Variants in ISOC1 observed in about 807,000 individuals in gnomAD.
ISOC1 encodes the protein isochorismatase domain containing 1.
In ISOC1, 33 loss-of-function variants were observed where a neutral mutation model predicts 30.0. That is an observed-to-expected ratio of 1.10 (90% CI 0.83 to 1.47). ISOC1 has a LOEUF of 1.47. ISOC1 is among the 40% of genes most tolerant of loss of function. ISOC1 has a pLI of 0.00. For synonymous variants in ISOC1, 178 were observed against 159.8 expected, an observed-to-expected ratio of 1.11 and a Z score of -0.86; for missense variants, 372 against 388.0, an observed-to-expected ratio of 0.96 and a Z score of 0.35.
intron 4 of ISOC1, among the ~76,000 whole-genome samples, chr5:129,108,496 C>T (rs2150172011): frequency 6.6e-6 from 1 of 151,892 alleles, no homozygotes; most frequent in East Asian, 1.9e-4. Context: ...TCAACAAAGA[C>T]CTTTAATCCA....
At chr5:129,107,702 T>C (rs933800894) in intron 4 of ISOC1, among the ~76,000 whole-genome samples, 2 of 152,080 alleles carry the variant, frequency 1.3e-5, no homozygotes, top group Non-Finnish European at 2.9e-5. Context: ...ATCCATGGAT[T>C]TTGGTATGGG....
At chr5:129,107,229 C>G (rs540951169) in intron 4 of ISOC1, among the ~76,000 whole-genome samples, 167 bp downstream of exon 4, 1 of 152,296 alleles carries the variant, frequency 6.6e-6, no homozygotes, top group South Asian at 2.1e-4. Flanking sequence ...TAAGGCTTCA[C>G]CACCATATCC....
intron 4 of ISOC1, among the ~76,000 whole-genome samples, chr5:129,110,753 A>G (rs1229354432): frequency 6.6e-6 from 1 of 152,142 alleles, no homozygotes; most frequent in Non-Finnish European, 1.5e-5. Context: ...GCGTCACCAG[A>G]TTCCTTCCTT....
intron 1 of ISOC1, among the ~76,000 whole-genome samples, chr5:129,101,161 CAAAAAAAAAAAAA>C (rs1156603818): frequency 6.2e-4 from 12 of 19,498 alleles, no homozygotes; most frequent in Non-Finnish European, 5.3e-4. Flanking sequence ...CTCAGCTAAT[CAAAAAAAAAAAAA>C]AAAAAAAAAA....
At chr5:129,101,132 G>A (rs1254450779) in intron 1 of ISOC1, among the ~76,000 whole-genome samples, 1 of 113,950 alleles carries the variant, frequency 8.8e-6, no homozygotes, top group Non-Finnish European at 1.6e-5. Flanking sequence ...TCAGCCTCCT[G>A]AGGAGCTGGG....
At chr5:129,100,775 T>A (rs527826327) in intron 1 of ISOC1, among the ~76,000 whole-genome samples, 1 of 152,146 alleles carries the variant, frequency 6.6e-6, no homozygotes, top group East Asian at 1.9e-4. Context: ...TTCATGTGGA[T>A]TTGGGGTGAG....
rs1447087062 is a variant in ISOC1 at position 129,113,847 on chromosome 5, C to T, written c.*846C>T. The T allele has an allele frequency of 6.6e-6, 1 of 152,080 alleles. No individual in the cohort carries two copies. Among genetic ancestry groups the T allele is most frequent in the Admixed American group, 6.6e-5 (1 of 15,266 alleles). The allele number at this position is 152,080 out of a possible 1,614,324, so 9.4% of individuals were successfully genotyped here. A position where few individuals can be genotyped will look rare whatever the true frequency, so the allele number is the denominator to read the frequency against. On this transcript the variant is annotated 3_prime_UTR_variant, in exon 5 of 5. Transcript: ENST00000173527. The stretch of plus-strand genomic sequence containing the variant: ...ATGTTCTGTTCTATATTTTCTTCAC[C>T]TACTCTCCAAATATTGTAATGCAAA...
intron 1 of ISOC1, among the ~76,000 whole-genome samples, chr5:129,096,698 A>G (rs1315223827): frequency 1.3e-5 from 2 of 152,186 alleles, no homozygotes; most frequent in Admixed American, 1.3e-4. Context: ...TGTTGGATGC[A>G]CCTTTGAGAA....
intron 1 of ISOC1, among the ~76,000 whole-genome samples, chr5:129,095,395 G>T (rs768106584): frequency 1.3e-5 from 2 of 152,256 alleles, no homozygotes; most frequent in Non-Finnish European, 2.9e-5. Context: ...TCAGGTCCCA[G>T]CCTCCTGCGT....
In ISOC1 at chr5:129,094,820, C is replaced by A; in HGVS notation, c.54C>A (p.Gly18=). The A allele has an allele frequency of 6.5e-7, 1 of 1,540,816 alleles. No homozygotes were observed. The highest frequency in any genetic ancestry group is 8.7e-7 in the Non-Finnish European group (1 of 1,147,000). Residue 18 remains glycine (G), a synonymous_variant, in exon 1 of 5, where the codon GGC becomes GGA. Transcript: ENST00000173527. ...CGCTCCCCAACAGCGGCGCCGGGGG[C>A]GCGGGGGCGCCGTCGGGCACAGTCC... ...VLALPNSGAG[G]AGAPSGTVPV... is the part of the protein sequence containing the mutation.
chr5:129,097,412 T>A (rs1753516828), intron 1 of ISOC1, among the ~76,000 whole-genome samples: 1 of 152,130 alleles, frequency 6.6e-6, no homozygotes, highest in Non-Finnish European at 1.5e-5. Context: ...TATGCATATG[T>A]GTGTATAATC....
Position 129,105,191 on chromosome 5 carries a change from G to A in ISOC1, c.436G>A (p.Gly146Arg). Residue 146 changes from glycine (G) to arginine (R), a missense_variant, in exon 3 of 5, where the codon GGG (glycine) becomes AGG (arginine). Gly to Arg is a moderately radical substitution (Grantham distance 125). Coordinates refer to ENST00000173527, the MANE Select transcript of ISOC1 (RefSeq NM_016048.2). ...TTTGGTTATTTTTTTTCAGTTGCAA[G>A]GGGCCCGGATTTTAGGAATTCCTGT... ...IISVGQRLLQGARILGIPVIV... is the reference protein window; with the variant it reads ...IISVGQRLLQRARILGIPVIV... 1 of 1,613,220 alleles carries A rather than the reference G, an allele frequency of 6.2e-7. No homozygotes were observed. The highest frequency in any genetic ancestry group is 8.5e-7 in the Non-Finnish European group (1 of 1,179,698).
At chr5:129,106,891 A>G in intron 3 of ISOC1, 55 bp from the exon 4 acceptor site, 1 of 1,245,366 alleles carries the variant, frequency 8.0e-7, no homozygotes, top group Non-Finnish European at 1.2e-6. Flanking sequence ...GTACATTTGT[A>G]AACTACTTTT....
At chr5:129,107,832 T>C (rs1436939575) in intron 4 of ISOC1, among the ~76,000 whole-genome samples, 1 of 152,152 alleles carries the variant, frequency 6.6e-6, no homozygotes, top group African/African-American at 2.4e-5. Flanking sequence ...CATGGTAGTC[T>C]TGGCATTAGA....
At chr5:129,101,180 A>ATATATATATATAT (rs1753566363) in intron 1 of ISOC1, among the ~76,000 whole-genome samples, 12 of 109,604 alleles carry the variant, frequency 1.1e-4, no homozygotes, top group African/African-American at 5.6e-4. Context: ...AAAAAAAAAA[A>ATATATATATATAT]AAAAAAAAAA....
intron 1 of ISOC1, among the ~76,000 whole-genome samples, chr5:129,101,116 C>T (rs553868759): frequency 1.5e-5 from 2 of 133,638 alleles, no homozygotes; most frequent in African/African-American, 5.9e-5. Context: ...AGAGGATCTT[C>T]CCACCTCAGC....
In ISOC1 at chr5:129,114,016, T is replaced by G. The variant is rs1753742409; in HGVS notation, c.*1015T>G. The G allele has an allele frequency of 6.6e-6, 1 of 152,202 alleles. No individual in the cohort carries two copies. Among genetic ancestry groups the G allele is most frequent in the African/African-American group, 2.4e-5 (1 of 41,462 alleles). 9.4% of individuals were successfully genotyped at this position (152,202 alleles called of 1,614,324 possible). A position where few individuals can be genotyped will look rare whatever the true frequency, so the allele number is the denominator to read the frequency against. On this transcript the variant is annotated 3_prime_UTR_variant, in exon 5 of 5. Transcript: ENST00000173527. ...GAAACTGCTGTCTTTTATATTAAAG[T>G]AATTAAAGAAAATGTATTGTGATTG...
chr5:129,109,381 T>C (rs1403853222), intron 4 of ISOC1, among the ~76,000 whole-genome samples: 1 of 152,244 alleles, frequency 6.6e-6, no homozygotes, highest in East Asian at 1.9e-4. Context: ...GATAATATAT[T>C]GATAGCAGTT....
intron 1 of ISOC1, among the ~76,000 whole-genome samples, chr5:129,096,529 C>G (rs1397358363): frequency 1.3e-5 from 2 of 152,232 alleles, no homozygotes; most frequent in African/African-American, 2.4e-5. Context: ...ATACAGTGAT[C>G]TGATACCCCA....
Sources: gnomAD v4.1 joint callset for allele counts (sites outside exome capture counted in the v4.1 genomes callset) on GRCh38, gnomAD v4.1.1 for gene constraint, MANE v1.5 for transcripts, NCBI Gene and HGNC (gene_info 2026-07-23, HGNC 2026-07-21) for gene names.